The following NBAS variants were observed in gnomAD, a reference collection of about 807,000 sequenced individuals.
NBAS encodes the protein NAG/BC035112 fusion.
Under a neutral mutation model 302.5 loss-of-function variants are expected in NBAS, and 219 were observed. The observed-to-expected ratio is 0.72, with a 90% confidence interval of 0.65 to 0.81. The LOEUF (loss-of-function observed/expected upper bound fraction) is 0.81. Ranked by LOEUF, NBAS falls within the 30% of genes least tolerant of loss-of-function variation. NBAS has a pLI of 0.00. For synonymous variants in NBAS, 1,118 were observed against 1,021.6 expected (o/e 1.09, Z -1.80); for missense variants, 2,932 against 2,841.6 (o/e 1.03, Z -0.72).
chr2:15,513,067 C>T (rs1332720136), intron 9 of NBAS, among the ~76,000 whole-genome samples: 1 of 152,144 alleles, frequency 6.6e-6, no homozygotes, highest in Non-Finnish European at 1.5e-5. Context: ...CAAAACTATA[C>T]AAAATCCTTC....
the NBAS span, among the ~76,000 whole-genome samples, chr2:14,963,098 G>A: frequency 1.4e-4 from 22 of 152,004 alleles, no homozygotes; most frequent in East Asian, 3.9e-4. Flanking sequence ...GTGAAACTCC[G>A]TCTCTACTAA....
intron 50 of NBAS, among the ~76,000 whole-genome samples, chr2:15,180,571 C>T (rs150345736): frequency 1.6e-3 from 249 of 152,296 alleles, no homozygotes; most frequent in African/African-American, 5.6e-3. Context: ...ATCCTGTGGC[C>T]TCTTCCTCCT....
intron 45 of NBAS, among the ~76,000 whole-genome samples, chr2:15,236,157 C>T (rs565946004): frequency 8.5e-5 from 13 of 152,190 alleles, no homozygotes; most frequent in African/African-American, 2.9e-4. Flanking sequence ...TCTGACTGAA[C>T]GGTACTCACA....
intron 21 of NBAS, among the ~76,000 whole-genome samples, chr2:15,440,130 T>C (rs1005212662): frequency 1.3e-5 from 2 of 152,208 alleles, no homozygotes; most frequent in Admixed American, 6.5e-5. Flanking sequence ...TAAATGTCCA[T>C]GTCTGACAGC....
At chr2:15,144,084 T>C in the NBAS span, among the ~76,000 whole-genome samples, 13 of 143,564 alleles carry the variant, frequency 9.1e-5, no homozygotes, top group South Asian at 2.0e-3. Context: ...ATTAGTTCTG[T>C]CCCTCTAGAG....
intron 32 of NBAS, among the ~76,000 whole-genome samples, chr2:15,364,782 G>C (rs929326478): frequency 1.3e-5 from 2 of 151,966 alleles, no homozygotes; most frequent in African/African-American, 2.4e-5. Context: ...CCCTAGCCAC[G>C]ATCTGATGAA....
intron 40 of NBAS, among the ~76,000 whole-genome samples, chr2:15,300,008 C>T (rs770539297): frequency 6.6e-6 from 1 of 152,136 alleles, no homozygotes; most frequent in South Asian, 2.1e-4. Context: ...TGCTAACCAT[C>T]AATGCATAAA....
chr2:15,168,326 A>C (rs6723285), intron 51 of NBAS, among the ~76,000 whole-genome samples: 2,921 of 152,338 alleles, frequency 0.019, 98 homozygotes, highest in African/African-American at 0.066. Context: ...GTGACAAGGA[A>C]GAAAGGCTAT....
chr2:15,377,122 G>A (rs1996516), intron 30 of NBAS, among the ~76,000 whole-genome samples: 94,437 of 151,942 alleles, frequency 0.62, 30,121 homozygotes, highest in Middle Eastern at 0.68. Flanking sequence ...CATATATAAT[G>A]AAAACTTGGC....
intron 21 of NBAS, among the ~76,000 whole-genome samples, chr2:15,455,811 T>A (rs199503464): frequency 7.8e-5 from 2 of 25,536 alleles, no homozygotes; most frequent in African/African-American, 2.3e-4. Context: ...AGACAACTGT[T>A]CAAAATACAG....
intron 10 of NBAS, among the ~76,000 whole-genome samples, chr2:15,506,086 T>TCC (rs2148639688): frequency 6.7e-6 from 1 of 149,648 alleles, no homozygotes; most frequent in Non-Finnish European, 1.5e-5. Context: ...GAAAAGGAAA[T>TCC]GAGATAAAAG....
At chr2:14,826,247 T>C in the NBAS span, among the ~76,000 whole-genome samples, 10 of 152,350 alleles carry the variant, frequency 6.6e-5, 1 homozygote, top group Admixed American at 3.3e-4. Flanking sequence ...TTTGTAATTA[T>C]GTAAAATTAA....
intron 21 of NBAS, among the ~76,000 whole-genome samples, chr2:15,457,140 G>A (rs995837737): frequency 2.6e-5 from 4 of 152,170 alleles, no homozygotes; most frequent in African/African-American, 9.7e-5. Flanking sequence ...GGAGAGAGCA[G>A]GGGGCTCTAT....
intron 44 of NBAS, among the ~76,000 whole-genome samples, chr2:15,255,969 T>A (rs182473664): frequency 2.0e-5 from 3 of 152,308 alleles, no homozygotes; most frequent in Admixed American, 2.0e-4. Flanking sequence ...CTTTATAGTA[T>A]AGTTTGAAGT....
intron 9 of NBAS, among the ~76,000 whole-genome samples, chr2:15,518,146 A>C (rs1050549526): frequency 1.5e-4 from 21 of 144,444 alleles, no homozygotes; most frequent in Admixed American, 1.1e-3. Context: ...AAAAAAAAAA[A>C]CAGTGAATTG....
intron 13 of NBAS, among the ~76,000 whole-genome samples, chr2:15,477,445 G>A (rs1022469538): frequency 3.3e-5 from 5 of 152,206 alleles, no homozygotes; most frequent in African/African-American, 1.2e-4. Context: ...ATTTCCAGTA[G>A]AGACAGGGTT....
chr2:14,786,618 G>A, the NBAS span, among the ~76,000 whole-genome samples: 1 of 152,182 alleles, frequency 6.6e-6, no homozygotes, highest in Non-Finnish European at 1.5e-5. Context: ...CAGTTTGCAT[G>A]TAGTTGAGCG....
intron 12 of NBAS, among the ~76,000 whole-genome samples, chr2:15,480,013 A>G (rs1309936889): frequency 6.6e-6 from 1 of 152,216 alleles, no homozygotes; most frequent in Non-Finnish European, 1.5e-5. Flanking sequence ...GGCTTCCTAC[A>G]CACTCCCAAA....
At chr2:15,344,293 C>G (rs183404707) in intron 35 of NBAS, among the ~76,000 whole-genome samples, 147 of 151,946 alleles carry the variant, frequency 9.7e-4, no homozygotes, top group Non-Finnish European at 1.6e-3. Flanking sequence ...AGAGAAGAAT[C>G]AAATAGACAC....
Sources: allele counts gnomAD v4.1 joint callset (sites outside exome capture counted in the v4.1 genomes callset), GRCh38; gene constraint gnomAD v4.1.1; transcripts MANE v1.5; gene names NCBI Gene and HGNC (gene_info 2026-07-23, HGNC 2026-07-21).